Variants in SNX29 observed in about 807,000 individuals in gnomAD.
The protein encoded by SNX29 is sorting nexin 29.
A neutral mutation model predicts 102.1 loss-of-function variants in SNX29; 78 were observed. That is an observed-to-expected ratio of 0.76 (90% confidence interval 0.64 to 0.92). SNX29 has a LOEUF of 0.92. Among genes scored for constraint, SNX29 ranks in the 40% least tolerant of loss-of-function variants. The pLI, the probability that SNX29 is intolerant of heterozygous loss-of-function variation, is 0.00. For missense variants in SNX29, 1,280 were observed against 1,061.7 expected, an observed-to-expected ratio of 1.21 and a Z score of -2.86; for synonymous variants, 580 against 414.5, an observed-to-expected ratio of 1.40 and a Z score of -4.85.
intron 20 of SNX29, among the ~76,000 whole-genome samples, chr16:12,563,132 C>T (rs754274005): frequency 5.9e-5 from 9 of 152,128 alleles, no homozygotes; most frequent in African/African-American, 9.7e-5. Context: ...AAGGTCGCCA[C>T]ACGTCCTCAT....
chr16:12,143,907 C>A (rs1316689854), intron 13 of SNX29, among the ~76,000 whole-genome samples: 1 of 152,200 alleles, frequency 6.6e-6, no homozygotes, highest in Non-Finnish European at 1.5e-5. Flanking sequence ...AAATCAGAAT[C>A]TCTGGAGCTG....
chr16:12,529,093 G>C (rs2157063), intron 20 of SNX29, among the ~76,000 whole-genome samples: 93,770 of 152,144 alleles, frequency 0.62, 31,693 homozygotes, highest in East Asian at 1. Flanking sequence ...GAAGAATCGG[G>C]AGGTTGAGTT....
intron 15 of SNX29, among the ~76,000 whole-genome samples, chr16:12,296,385 A>G (rs1227019508): frequency 1.3e-5 from 2 of 150,864 alleles, no homozygotes; most frequent in Non-Finnish European, 2.9e-5. Flanking sequence ...GGGAGAAGAA[A>G]GAAATTTCCT....
chr16:12,138,204 C>G (rs1056363383), intron 13 of SNX29, among the ~76,000 whole-genome samples: 18 of 139,436 alleles, frequency 1.3e-4, no homozygotes, highest in Non-Finnish European at 1.6e-5. Flanking sequence ...GAATTTGTCA[C>G]TCTTTTTTTT....
Position 12,264,919 on chromosome 16 carries a change from C to G in SNX29, c.1679-13014C>G, listed in dbSNP as rs145714728. On this transcript the variant is annotated intron_variant, in intron 14 of 20. Coordinates refer to ENST00000566228, the MANE Select transcript of SNX29 (RefSeq NM_032167.5). ...TACATACCTGGATGATACCTTTCCA[C>G]TCTCACCAAAATAGAACCATACTAC... is the stretch of plus-strand genomic sequence containing the variant. 8.5e-5 allele frequency among the ~76,000 whole-genome samples: 13 copies of G among 152,330 alleles called. No homozygotes were observed. The East Asian group carries it at 2.5e-3, about 29-fold the overall frequency.
chr16:12,542,370 C>G lies in SNX29; in HGVS notation c.2318+17529C>G, dbSNP rs114239143. Among the ~76,000 whole-genome samples, 512 of 152,360 alleles carry G rather than the reference C, an allele frequency of 3.4e-3. 2 individuals carry two copies. Among genetic ancestry groups the G allele is most frequent in the African/African-American group, 0.011 (456 of 41,584 alleles). On this transcript the variant is annotated intron_variant, in intron 20 of 20. Coordinates refer to ENST00000566228, the MANE Select transcript of SNX29 (RefSeq NM_032167.5). ...CAAAAGAAAAAGTTAGACCCAAGTT[C>G]TATCACCCAGGGTGGAGTACAGTGG...
intron 13 of SNX29, among the ~76,000 whole-genome samples, chr16:12,146,553 A>G (rs868423815): frequency 9.9e-5 from 15 of 152,226 alleles, no homozygotes; most frequent in African/African-American, 3.4e-4. Flanking sequence ...GGTGTGAGCC[A>G]CTGCACCCAG....
chr16:12,225,317 A>G (rs1265919779), intron 14 of SNX29, among the ~76,000 whole-genome samples: 1 of 151,506 alleles, frequency 6.6e-6, no homozygotes, highest in African/African-American at 2.4e-5. Context: ...TCCAAATCTC[A>G]TCTTGGATTG....
intron 15 of SNX29, among the ~76,000 whole-genome samples, chr16:12,298,325 A>G (rs866980068): frequency 8.5e-5 from 13 of 152,108 alleles, no homozygotes; most frequent in Non-Finnish European, 1.5e-4. Context: ...AACACAGATA[A>G]TTTCCTTAGA....
intron 18 of SNX29, among the ~76,000 whole-genome samples, chr16:12,460,442 T>C (rs559190670): frequency 6.6e-6 from 1 of 152,318 alleles, no homozygotes; most frequent in East Asian, 1.9e-4. Context: ...AAACTCCTTC[T>C]ATATTTTTAG....
intron 19 of SNX29, among the ~76,000 whole-genome samples, chr16:12,494,065 A>G (rs1011236277): frequency 6.6e-6 from 1 of 151,980 alleles, no homozygotes; most frequent in East Asian, 1.9e-4. Flanking sequence ...TGTTTTCTGG[A>G]TGCCATCCTT....
chr16:12,547,013 G>C (rs1042836189), intron 20 of SNX29, among the ~76,000 whole-genome samples: 2 of 151,762 alleles, frequency 1.3e-5, no homozygotes, highest in Non-Finnish European at 2.9e-5. Context: ...GATCCTGATA[G>C]TTCAACAGCA....
In SNX29 at chr16:12,328,993, C is replaced by A. The variant is rs2081211182; in HGVS notation, c.1783-27170C>A. 2.6e-5 allele frequency among the ~76,000 whole-genome samples: 4 copies of A among 152,124 alleles called. No individual in the cohort carries two copies. The South Asian group carries it at 6.3e-4, about 24-fold the overall frequency. ...TACAGTGACAAAATAACCCCCTGGC[C>A]AGGCATGATGGCTCACACCTGTAAT... is the stretch of plus-strand genomic sequence containing the variant. On this transcript the variant is annotated intron_variant, in intron 15 of 20. Coordinates refer to ENST00000566228, the MANE Select transcript of SNX29 (RefSeq NM_032167.5).
At chr16:12,145,447 A>C (rs1348006644) in intron 13 of SNX29, among the ~76,000 whole-genome samples, 2 of 152,142 alleles carry the variant, frequency 1.3e-5, no homozygotes, top group African/African-American at 4.8e-5. Flanking sequence ...CCTGTTCATA[A>C]ATGTAATGTG....
chr16:12,477,885 C>T, intron 19 of SNX29, 26 bp downstream of exon 19: 2 of 1,559,012 alleles, frequency 1.3e-6, no homozygotes, highest in Non-Finnish European at 8.6e-7. Context: ...GGGAAGCCCA[C>T]TTGTCACTGC....
chr16:12,148,761 G>A (rs1351824593), intron 13 of SNX29, among the ~76,000 whole-genome samples: 3 of 152,020 alleles, frequency 2.0e-5, no homozygotes, highest in Admixed American at 6.6e-5. Context: ...ACAATGGCAC[G>A]ATCTTGGCTC....
chr16:12,117,373 C>T (rs1406846538), intron 11 of SNX29, among the ~76,000 whole-genome samples: 1 of 137,854 alleles, frequency 7.3e-6, no homozygotes, highest in Non-Finnish European at 1.5e-5. Context: ...TGCTTCAGTG[C>T]GGACGAACCG....
intron 15 of SNX29, among the ~76,000 whole-genome samples, chr16:12,347,660 A>G (rs2081854627): frequency 6.6e-6 from 1 of 152,164 alleles, no homozygotes; most frequent in Non-Finnish European, 1.5e-5. Flanking sequence ...GCAGGTGCTC[A>G]TTCTGTTACA....
intron 13 of SNX29, among the ~76,000 whole-genome samples, chr16:12,198,339 G>T (rs931707791): frequency 6.8e-6 from 1 of 147,920 alleles, no homozygotes; most frequent in African/African-American, 2.7e-5. Context: ...TGCACCTAGA[G>T]AAATAATAGG....
Sources: gnomAD v4.1 joint callset for allele counts (sites outside exome capture counted in the v4.1 genomes callset) on GRCh38, gnomAD v4.1.1 for gene constraint, MANE v1.5 for transcripts, NCBI Gene and HGNC (gene_info 2026-07-23, HGNC 2026-07-21) for gene names.